The following DLG2 variants were observed in gnomAD, a reference collection of about 807,000 sequenced individuals.
The protein encoded by DLG2 is discs large MAGUK scaffold protein 2, also known as disks large homolog 2.
DLG2 carries 45 observed loss-of-function variants against 132.5 expected under a neutral mutation model. The observed-to-expected ratio is 0.34, with a 90% CI of 0.27 to 0.44. The LOEUF is 0.44. DLG2 is among the 20% of genes least tolerant of loss of function. The pLI, the probability that DLG2 is intolerant of heterozygous loss-of-function variation, is 1.00. For missense variants in DLG2, 1,045 were observed against 1,196.9 expected (o/e 0.87, Z 1.87); for synonymous variants, 424 against 419.6 (o/e 1.01, Z -0.13).
chr11:84,238,536 A>G (rs2097188034), intron 8 of DLG2, among the ~76,000 whole-genome samples: 1 of 152,022 alleles, frequency 6.6e-6, no homozygotes, highest in Non-Finnish European at 1.5e-5. Flanking sequence ...GAAAAAGAAA[A>G]AAAAAAAAGC....
intron 5 of DLG2, among the ~76,000 whole-genome samples, chr11:85,153,265 T>G (rs1410107002): frequency 2.0e-5 from 3 of 152,200 alleles, no homozygotes; most frequent in African/African-American, 7.2e-5. Context: ...ACTGTCCTAC[T>G]TTTGATATTA....
chr11:84,247,519 G>T (rs1246624256), intron 8 of DLG2, among the ~76,000 whole-genome samples: 1 of 152,066 alleles, frequency 6.6e-6, no homozygotes, highest in Non-Finnish European at 1.5e-5. Flanking sequence ...TTTTCATATA[G>T]GGATTCCTGC....
At chr11:83,616,918 G>A (rs11233697) in intron 19 of DLG2, among the ~76,000 whole-genome samples, 32,842 of 151,994 alleles carry the variant, frequency 0.22, 3,846 homozygotes, top group African/African-American at 0.29. Flanking sequence ...TTCCACTTCA[G>A]AGCAATTTTA....
chr11:83,794,798 T>C (rs1335420590), intron 17 of DLG2, among the ~76,000 whole-genome samples: 1 of 152,150 alleles, frequency 6.6e-6, no homozygotes, highest in Non-Finnish European at 1.5e-5. Context: ...TAACTAATAC[T>C]CCTGAGTTCC....
At chr11:85,306,432 A>G (rs17148090) in intron 3 of DLG2, among the ~76,000 whole-genome samples, 11,249 of 152,242 alleles carry the variant, frequency 0.074, 447 homozygotes, top group South Asian at 0.1. Flanking sequence ...GCTGGCAAAT[A>G]AACCTAGTCT....
chr11:85,313,062 T>G (rs1050513637), intron 3 of DLG2, among the ~76,000 whole-genome samples: 14 of 151,928 alleles, frequency 9.2e-5, no homozygotes, highest in Non-Finnish European at 1.9e-4. Flanking sequence ...AGACCATACA[T>G]GATGTGTGTC....
chr11:84,939,607 T>C (rs562945356), intron 6 of DLG2, among the ~76,000 whole-genome samples: 5 of 152,288 alleles, frequency 3.3e-5, no homozygotes, highest in South Asian at 4.2e-4. Context: ...GTAACCATCC[T>C]TGTACTATGT....
intron 17 of DLG2, among the ~76,000 whole-genome samples, chr11:83,827,788 C>T (rs2153991175): frequency 6.6e-6 from 1 of 152,298 alleles, no homozygotes; most frequent in South Asian, 2.1e-4. Context: ...TCTAGCTTTC[C>T]TTCTGCAGAA....
At chr11:85,105,415 T>G (rs1177162758) in intron 6 of DLG2, among the ~76,000 whole-genome samples, 2 of 151,974 alleles carry the variant, frequency 1.3e-5, no homozygotes, top group Non-Finnish European at 1.5e-5. Context: ...ACATATCTAT[T>G]CTATCAATCT....
At chr11:84,139,259 T>A (rs1021460190) in intron 9 of DLG2, among the ~76,000 whole-genome samples, 5 of 152,098 alleles carry the variant, frequency 3.3e-5, no homozygotes, top group African/African-American at 1.2e-4. Flanking sequence ...TTTACACTTG[T>A]TGAATAAACA....
intron 6 of DLG2, among the ~76,000 whole-genome samples, chr11:84,933,271 C>T (rs571911234): frequency 2.4e-4 from 37 of 152,044 alleles, no homozygotes; most frequent in Non-Finnish European, 5.1e-4. Context: ...TTACTGTAGC[C>T]CTCTAGTATA....
rs935454383 is a variant in DLG2, at chr11:84,929,333, T to C, written c.357+182328A>G. Among the ~76,000 whole-genome samples the C allele has an allele frequency of 4.6e-5, 7 of 152,038 alleles. No individual in the cohort carries two copies. In the East Asian group the frequency reaches 1.4e-3, roughly 29 times the overall value. On this transcript the variant is annotated intron_variant, in intron 6 of 27. Transcript: ENST00000376104. ...CTTTTATATATAAATATGTTTCATA[T>C]TCTACTTACAACCATGATAATATAA...
intron 4 of DLG2, 79 bp from the exon 5 acceptor site, chr11:85,154,730 C>A: frequency 1.4e-6 from 1 of 690,122 alleles, no homozygotes; most frequent in Non-Finnish European, 2.4e-6. Context: ...TGAATATACA[C>A]ATTAAAATAT....
intron 8 of DLG2, among the ~76,000 whole-genome samples, chr11:84,193,786 T>A (rs115030055): frequency 1.4e-4 from 21 of 152,318 alleles, no homozygotes; most frequent in African/African-American, 4.8e-4. Context: ...AGAAATATCA[T>A]CCTTTGTTAC....
chr11:83,647,280 C>T lies in DLG2; in HGVS notation c.1826-13955G>A, dbSNP rs113983867. On this transcript the variant is annotated intron_variant, in intron 18 of 27. Coordinates refer to ENST00000376104, the MANE Select transcript of DLG2 (RefSeq NM_001142699.3). ...AGTGGGGCTTAGACAAGGGTGGGGG[C>T]GGGGGTATGTCTCACAATTCACTAA... is the stretch of plus-strand genomic sequence containing the variant. Among the ~76,000 whole-genome samples the T allele has an allele frequency of 5.3e-3, 505 of 95,362 alleles. 2 individuals carry two copies. Among genetic ancestry groups the T allele is most frequent in the African/African-American group, 0.016 (457 of 27,712 alleles). 62.6% of individuals were successfully genotyped at this position (95,362 alleles called of 152,430 possible).
chr11:85,127,530 C>T (rs79785652), intron 5 of DLG2, among the ~76,000 whole-genome samples: 3,775 of 152,172 alleles, frequency 0.025, 77 homozygotes, highest in East Asian at 0.089. Context: ...CCCCATTAGA[C>T]GAAAGGTTCC....
At chr11:83,585,725 G>A (rs918833529) in intron 19 of DLG2, among the ~76,000 whole-genome samples, 2 of 152,176 alleles carry the variant, frequency 1.3e-5, no homozygotes, top group Non-Finnish European at 2.9e-5. Context: ...CCTTCTCAAA[G>A]AGAATTTCTA....
intron 5 of DLG2, among the ~76,000 whole-genome samples, chr11:85,114,754 C>A (rs1337306603): frequency 6.6e-6 from 1 of 151,924 alleles, no homozygotes; most frequent in Admixed American, 6.6e-5. Flanking sequence ...TATGTAACTA[C>A]AAAGAACTCG....
chr11:83,810,979 T>C (rs952184773), intron 17 of DLG2, among the ~76,000 whole-genome samples: 6 of 152,128 alleles, frequency 3.9e-5, no homozygotes, highest in African/African-American at 1.4e-4. Flanking sequence ...CTCCAAGTCC[T>C]GACGCTAACT....
Sources: gnomAD v4.1 joint callset for allele counts (sites outside exome capture counted in the v4.1 genomes callset) on GRCh38, gnomAD v4.1.1 for gene constraint, MANE v1.5 for transcripts, NCBI Gene and HGNC (gene_info 2026-07-23, HGNC 2026-07-21) for gene names.